The following KIF26B variants were observed in gnomAD, a reference collection of about 807,000 sequenced individuals.
The protein encoded by KIF26B is kinesin-like protein KIF26B.
In KIF26B, 63 loss-of-function variants were observed where a neutral mutation model predicts 151.2. The observed-to-expected ratio is 0.42, with a 90% CI of 0.34 to 0.51. The LOEUF is 0.51. KIF26B is among the 20% of genes least tolerant of loss of function. The probability of loss-of-function intolerance (pLI) is 0.07; values close to 1 mark genes in which losing one functional copy is unlikely to be tolerated. For missense variants in KIF26B, 2,813 were observed against 2,913.6 expected, an observed-to-expected ratio of 0.97 and a Z score of 0.79; for synonymous variants, 1,357 against 1,262.1, an observed-to-expected ratio of 1.08 and a Z score of -1.59.
chr1:245,309,166 A>T (rs1671616439), intron 2 of KIF26B, among the ~76,000 whole-genome samples: 1 of 152,162 alleles, frequency 6.6e-6, no homozygotes, highest in Non-Finnish European at 1.5e-5. Flanking sequence ...GTGCATCAGG[A>T]TTGCCTGGAA....
chr1:245,381,268 G>C (rs1474048777), intron 3 of KIF26B, among the ~76,000 whole-genome samples: 1 of 152,174 alleles, frequency 6.6e-6, no homozygotes, highest in Non-Finnish European at 1.5e-5. Context: ...GTGAGTGCTG[G>C]CTCACCTGCT....
At position 245,646,230 on chromosome 1, in the gene KIF26B, G is replaced by A. The variant is rs781282554; in HGVS notation, c.2208G>A (p.Leu736=). The change falls in exon 10 of 15, where the codon CTG becomes CTA. Residue 736 remains leucine, a synonymous_variant. Transcript: ENST00000407071. ...GGCTGTGTCTCTCGCTGTCTGCTCT[G>A]GGCAATGTCATCCTGGCTCTCGTCA... ...GSGLCLSLSA[L]GNVILALVNG... 27 of 1,613,762 alleles carry A rather than the reference G, an allele frequency of 1.7e-5. No individual in the cohort carries two copies. Among genetic ancestry groups the A allele is most frequent in the South Asian group, 8.8e-5 (8 of 91,066 alleles).
At chr1:245,416,767 A>G (rs1338457622) in intron 3 of KIF26B, among the ~76,000 whole-genome samples, 1 of 152,178 alleles carries the variant, frequency 6.6e-6, no homozygotes, top group East Asian at 1.9e-4. Flanking sequence ...CCGAGGCTGG[A>G]GCCCTGGAGT....
At chr1:245,203,768 C>T (rs1480355460) in intron 2 of KIF26B, among the ~76,000 whole-genome samples, 1 of 152,228 alleles carries the variant, frequency 6.6e-6, no homozygotes, top group Non-Finnish European at 1.5e-5. Context: ...CACTCCTTGT[C>T]TCTGTGCATC....
At chr1:245,216,660 A>G (rs1350803253) in intron 2 of KIF26B, among the ~76,000 whole-genome samples, 5 of 152,180 alleles carry the variant, frequency 3.3e-5, no homozygotes, top group Admixed American at 2.6e-4. Context: ...TGGGTTTTAA[A>G]TGAAGAAGAG....
At chr1:245,556,765 C>T (rs974350695) in intron 5 of KIF26B, among the ~76,000 whole-genome samples, 8 of 152,156 alleles carry the variant, frequency 5.3e-5, no homozygotes, top group Non-Finnish European at 1.0e-4. Context: ...TCTCAAACTC[C>T]TGGGCTTAAG....
chr1:245,400,488 GTT>G (rs11407193), intron 3 of KIF26B, among the ~76,000 whole-genome samples: 2 of 123,826 alleles, frequency 1.6e-5, no homozygotes, highest in Non-Finnish European at 1.6e-5. Context: ...TAGATAGTGA[GTT>G]TTTTTTTTTT....
rs2044817778 is a variant in KIF26B at position 245,704,691 on chromosome 1, C to T, written c.*2085C>T. On this transcript the variant is annotated 3_prime_UTR_variant, in exon 15 of 15. Transcript: ENST00000407071. ...TCCCTGAGCTCCTTAACCTTGACCC[C>T]ATTCTGCAGGACAGTCGCATGCTCT... is the stretch of plus-strand genomic sequence containing the variant. 6.6e-6 allele frequency: 1 copy of T among 152,282 alleles called. No homozygotes were observed. The highest frequency in any genetic ancestry group is 2.1e-4 in the South Asian group (1 of 4,828). The allele number at this position is 152,282 out of a possible 1,614,324, so 9.4% of individuals were successfully genotyped here.
chr1:245,320,624 G>C (rs1176011559), intron 2 of KIF26B, among the ~76,000 whole-genome samples: 1 of 152,156 alleles, frequency 6.6e-6, no homozygotes, highest in Non-Finnish European at 1.5e-5. Context: ...AGCACACTTA[G>C]TGCAGTGGCG....
rs988526392 is a variant in KIF26B at position 245,375,557 on chromosome 1, A to G, written c.999+8190A>G. On this transcript the variant is annotated intron_variant, in intron 3 of 14. Transcript: ENST00000407071. This position sits in a 1 kb window ranked among gnomAD's most constrained non-coding sequence, Gnocchi z 4.2. ...AAGAAGGAACCTCTAGAAGCTGAGG[A>G]CGGCAAGGGTGTGATTCTCCCCTAG... 6.6e-6 allele frequency among the ~76,000 whole-genome samples: 1 copy of G among 152,164 alleles called. No homozygotes were observed. Among genetic ancestry groups the G allele is most frequent in the Non-Finnish European group, 1.5e-5 (1 of 68,034 alleles).
intron 2 of KIF26B, among the ~76,000 whole-genome samples, chr1:245,204,709 G>A (rs1385702829): frequency 2.6e-5 from 4 of 151,966 alleles, no homozygotes; most frequent in Admixed American, 6.6e-5. Flanking sequence ...TTATGGCTTC[G>A]TCTCAACCAC....
At chr1:245,655,502 A>C (rs1383027127) in intron 10 of KIF26B, among the ~76,000 whole-genome samples, 1 of 152,216 alleles carries the variant, frequency 6.6e-6, no homozygotes, top group Non-Finnish European at 1.5e-5. Context: ...AACACACAGC[A>C]TGGCTGCCTG....
chr1:245,210,322 C>G (rs1669491757), intron 2 of KIF26B, among the ~76,000 whole-genome samples: 1 of 152,202 alleles, frequency 6.6e-6, no homozygotes, highest in South Asian at 2.1e-4. Flanking sequence ...GGGGCAGCTG[C>G]TGGGACCACC....
chr1:245,654,380 C>T (rs910443078), intron 10 of KIF26B, among the ~76,000 whole-genome samples: 20 of 152,230 alleles, frequency 1.3e-4, no homozygotes, highest in Admixed American at 2.0e-4. Context: ...GACTTTGAAC[C>T]TGTGTGCAGG....
intron 4 of KIF26B, among the ~76,000 whole-genome samples, chr1:245,486,105 C>A (rs1170450025): frequency 6.6e-6 from 1 of 152,192 alleles, no homozygotes; most frequent in Admixed American, 6.5e-5. Context: ...AAACAGTGTG[C>A]TTTCTCAAGG....
intron 2 of KIF26B, among the ~76,000 whole-genome samples, chr1:245,323,084 G>T (rs1014211608): frequency 5.9e-5 from 9 of 152,180 alleles, no homozygotes; most frequent in African/African-American, 2.2e-4. Context: ...TACGCTTCTA[G>T]ACTAAAAGCA....
At chr1:245,220,803 T>A (rs1669751589) in intron 2 of KIF26B, among the ~76,000 whole-genome samples, 1 of 148,182 alleles carries the variant, frequency 6.7e-6, no homozygotes, top group Non-Finnish European at 1.5e-5. Flanking sequence ...GGGGCTGGGG[T>A]GGGTATGGAC....
chr1:245,533,186 T>C (rs2103098218), intron 4 of KIF26B, among the ~76,000 whole-genome samples: 2 of 152,322 alleles, frequency 1.3e-5, no homozygotes, highest in South Asian at 4.1e-4. Context: ...AGTTCTATAA[T>C]GGCACGTGAG....
intron 2 of KIF26B, among the ~76,000 whole-genome samples, chr1:245,188,326 A>AACAGGGGT (rs1228625964): frequency 6.6e-6 from 1 of 151,472 alleles, no homozygotes; most frequent in East Asian, 1.9e-4. Context: ...GACACAGTAG[A>AACAGGGGT]ACAGGGGTGT....
Sources: allele counts gnomAD v4.1 joint callset (sites outside exome capture counted in the v4.1 genomes callset), GRCh38; gene constraint gnomAD v4.1.1; non-coding constraint Gnocchi (gnomAD v3.1); transcripts MANE v1.5; gene names NCBI Gene and HGNC (gene_info 2026-07-23, HGNC 2026-07-21).